Variants in RASAL2 observed in about 807,000 individuals in gnomAD.
RASAL2 encodes RAS protein activator like 2, also known as ras GTPase-activating protein nGAP.
A neutral mutation model predicts 128.9 loss-of-function variants in RASAL2; 58 were observed. The ratio of observed to expected loss-of-function variants is 0.45; its 90% CI spans 0.36 to 0.56. The LOEUF is 0.56. Ranked by LOEUF, RASAL2 falls within the 20% of genes least tolerant of loss-of-function variation. The pLI is 0.00. For synonymous variants in RASAL2, 561 were observed against 580.8 expected (o/e 0.97, Z 0.49); for missense variants, 1,360 against 1,601.6 (o/e 0.85, Z 2.57).
chr1:178,329,691 A>T (rs1669197799), intron 3 of RASAL2, among the ~76,000 whole-genome samples: 1 of 152,138 alleles, frequency 6.6e-6, no homozygotes, highest in African/African-American at 2.4e-5. Context: ...TTCCAAGCTA[A>T]TGTATCTGTC....
chr1:178,106,547 A>T (rs1659097099), intron 1 of RASAL2, among the ~76,000 whole-genome samples: 1 of 152,232 alleles, frequency 6.6e-6, no homozygotes, highest in Non-Finnish European at 1.5e-5. Flanking sequence ...GTAACGAAAG[A>T]TATGTTGTAA....
At chr1:178,347,490 G>GA (rs1440171281) in intron 3 of RASAL2, among the ~76,000 whole-genome samples, 5 of 152,032 alleles carry the variant, frequency 3.3e-5, no homozygotes, top group Non-Finnish European at 7.4e-5. Context: ...ACATCAGTGA[G>GA]AAAAAAGCAA....
At position 178,347,967 on chromosome 1, in the gene RASAL2, A is replaced by G. The variant is rs112284804; in HGVS notation, c.458-42133A>G. 4.2e-3 allele frequency among the ~76,000 whole-genome samples: 644 copies of G among 152,382 alleles called. 3 individuals carry two copies. The highest frequency in any genetic ancestry group is 0.014 in the African/African-American group (588 of 41,586). On this transcript the variant is annotated intron_variant, in intron 3 of 17. Transcript: ENST00000367649. ...TTATAAAATGGAATTCTATACAGCA[A>G]TGAAAAAGAACAAACCACTGCTTCA... is the stretch of plus-strand genomic sequence containing the variant.
chr1:178,448,834 CA>C (rs1320558804), intron 9 of RASAL2, among the ~76,000 whole-genome samples: 18 of 152,022 alleles, frequency 1.2e-4, no homozygotes, highest in Non-Finnish European at 2.4e-4. Flanking sequence ...CTTTTTATAA[CA>C]GTGAATGATT....
chr1:178,124,580 TGTG>T (rs1256260430), intron 1 of RASAL2, among the ~76,000 whole-genome samples: 1 of 152,198 alleles, frequency 6.6e-6, no homozygotes, highest in Non-Finnish European at 1.5e-5. Context: ...CTTAGTAAGT[TGTG>T]GTTATTTTAC....
chr1:178,382,494 A>G (rs1672338144), intron 3 of RASAL2, among the ~76,000 whole-genome samples: 2 of 152,150 alleles, frequency 1.3e-5, no homozygotes, highest in Non-Finnish European at 2.9e-5. Context: ...CCCATTATAC[A>G]AAACACATGG....
intron 1 of RASAL2, among the ~76,000 whole-genome samples, chr1:178,280,374 A>G (rs894156190): frequency 1.3e-5 from 2 of 152,116 alleles, no homozygotes; most frequent in Non-Finnish European, 2.9e-5. Flanking sequence ...GAAAACAGTT[A>G]CATTTCATTA....
At chr1:178,238,580 A>C (rs979039216) in intron 1 of RASAL2, among the ~76,000 whole-genome samples, 2 of 151,944 alleles carry the variant, frequency 1.3e-5, no homozygotes, top group African/African-American at 4.8e-5. Context: ...TCATTCAGTA[A>C]AATATTTCTG....
At position 178,130,792 on chromosome 1, in the gene RASAL2, C is replaced by T. The variant is rs556906826; in HGVS notation, c.202+36098C>T. On this transcript the variant is annotated intron_variant, in intron 1 of 17. Transcript: ENST00000367649. ...CTTTCACTTAAAAAATAACATTTGT[C>T]GCCTGTAATCCCAGCACTTTGGGAG... Among the ~76,000 whole-genome samples the T allele has an allele frequency of 1.6e-3, 241 of 152,252 alleles. 1 individual carries two copies. Among genetic ancestry groups the T allele is most frequent in the African/African-American group, 5.4e-3 (226 of 41,560 alleles).
At chr1:178,427,989 ATTTT>A (rs1423912602) in intron 5 of RASAL2, among the ~76,000 whole-genome samples, 1 of 151,162 alleles carries the variant, frequency 6.6e-6, no homozygotes, top group Non-Finnish European at 1.5e-5. Flanking sequence ...TCGCTTTATT[ATTTT>A]AAGAATAGTG....
chr1:178,250,735 T>A (rs896639552), intron 1 of RASAL2, among the ~76,000 whole-genome samples: 1 of 152,200 alleles, frequency 6.6e-6, no homozygotes, highest in Non-Finnish European at 1.5e-5. Context: ...TATAAAAGTT[T>A]ACAACTATGG....
chr1:178,248,468 C>T (rs1223511854), intron 1 of RASAL2, among the ~76,000 whole-genome samples: 2 of 152,112 alleles, frequency 1.3e-5, no homozygotes, highest in African/African-American at 4.8e-5. Context: ...CTCCTGAATA[C>T]AGCATATCGA....
intron 17 of RASAL2, among the ~76,000 whole-genome samples, chr1:178,471,135 AT>A (rs1174587103): frequency 1.3e-5 from 2 of 152,078 alleles, no homozygotes; most frequent in African/African-American, 2.4e-5. Context: ...TGAATTATTT[AT>A]TTTTGGATGA....
intron 1 of RASAL2, among the ~76,000 whole-genome samples, chr1:178,145,107 A>C (rs970388798): frequency 6.6e-6 from 1 of 152,222 alleles, no homozygotes; most frequent in Non-Finnish European, 1.5e-5. Context: ...TATAGCAAAC[A>C]CAAGGGAAAG....
chr1:178,168,499 T>C (rs966833996), intron 1 of RASAL2, among the ~76,000 whole-genome samples: 1 of 152,214 alleles, frequency 6.6e-6, no homozygotes, highest in East Asian at 1.9e-4. Context: ...TCAGAAGTTT[T>C]TACTGGTAAT....
chr1:178,153,235 C>A (rs1176333621), intron 1 of RASAL2, among the ~76,000 whole-genome samples: 2 of 152,048 alleles, frequency 1.3e-5, no homozygotes, highest in East Asian at 3.9e-4. Flanking sequence ...CCTGCATGTT[C>A]TCTATGTTTA....
chr1:178,298,448 C>T (rs913767503), intron 2 of RASAL2, among the ~76,000 whole-genome samples: 1 of 152,110 alleles, frequency 6.6e-6, no homozygotes, highest in Non-Finnish European at 1.5e-5. Context: ...ATTTGAAGTG[C>T]CTATGGAGGC....
intron 1 of RASAL2, among the ~76,000 whole-genome samples, chr1:178,169,782 C>T (rs186239806): frequency 6.6e-6 from 1 of 152,076 alleles, no homozygotes; most frequent in Admixed American, 6.6e-5. Context: ...AATTATGTGA[C>T]AGTACAGTTT....
intron 1 of RASAL2, among the ~76,000 whole-genome samples, chr1:178,186,558 C>G (rs1324849499): frequency 6.6e-6 from 1 of 152,078 alleles, no homozygotes; most frequent in Admixed American, 6.5e-5. Flanking sequence ...AGTCTTGTTC[C>G]ATCATCTTGA....
Sources: allele counts gnomAD v4.1 joint callset (sites outside exome capture counted in the v4.1 genomes callset), GRCh38; gene constraint gnomAD v4.1.1; transcripts MANE v1.5; gene names NCBI Gene and HGNC (gene_info 2026-07-23, HGNC 2026-07-21).